The following TMEM244 variants were observed in gnomAD, a reference collection of about 807,000 sequenced individuals.
TMEM244 encodes transmembrane protein 244.
In TMEM244, 13 loss-of-function variants were observed where a neutral mutation model predicts 15.8. The ratio of observed to expected loss-of-function variants is 0.82; its 90% CI spans 0.53 to 1.30. The LOEUF (loss-of-function observed/expected upper bound fraction) is 1.30, where lower values mean the gene tolerates loss of function less well. Ranked by LOEUF, TMEM244 falls within the 50% of genes most tolerant of loss-of-function variation. The probability of loss-of-function intolerance (pLI) is 0.00; values close to 1 mark genes in which losing one functional copy is unlikely to be tolerated. For synonymous variants in TMEM244, 45 were observed against 48.7 expected, an observed-to-expected ratio of 0.92 and a Z score of 0.32; for missense variants, 161 against 144.9, an observed-to-expected ratio of 1.11 and a Z score of -0.57.
At chr6:129,857,668 T>C (rs925614184) in intron 1 of TMEM244, among the ~76,000 whole-genome samples, 1 of 151,998 alleles carries the variant, frequency 6.6e-6, no homozygotes, top group Admixed American at 6.6e-5. Context: ...CCCTAACATA[T>C]GTTTAGATAG....
At chr6:129,842,845 A>G (rs1165042646) in intron 3 of TMEM244, among the ~76,000 whole-genome samples, 1 of 151,506 alleles carries the variant, frequency 6.6e-6, no homozygotes, top group Non-Finnish European at 1.5e-5. Context: ...AGAATGTTTT[A>G]CATATATTCA....
chr6:129,859,917 TAAAAG>T lies in TMEM244; in HGVS notation c.33+1234_33+1238del, dbSNP rs376027703. ...ATAATATTGACAGTGAACAAGCACT[TAAAAG>T]AAAAGTTAACTCATAACTTATAGGG... On this transcript the variant is annotated intron_variant, in intron 1 of 4. Transcript: ENST00000368143. Among the ~76,000 whole-genome samples, 146 of 152,306 alleles carry T rather than the reference TAAAAG, an allele frequency of 9.6e-4. 1 individual carries two copies. The highest frequency in any genetic ancestry group is 3.4e-3 in the Middle Eastern group (1 of 294).
intron 3 of TMEM244, among the ~76,000 whole-genome samples, chr6:129,841,530 T>G (rs767996447): frequency 3.9e-5 from 6 of 152,082 alleles, no homozygotes; most frequent in South Asian, 2.1e-4. Flanking sequence ...TTAACAAACC[T>G]GCACATTGTG....
intron 1 of TMEM244, among the ~76,000 whole-genome samples, chr6:129,857,828 G>A (rs1050262504): frequency 2.7e-5 from 4 of 149,602 alleles, no homozygotes; most frequent in Admixed American, 2.0e-4. Flanking sequence ...ATATATATAT[G>A]TGTATATATA....
chr6:129,845,908 G>T, intron 1 of TMEM244, 56 bp from the exon 2 acceptor site: 1 of 1,185,114 alleles, frequency 8.4e-7, no homozygotes, highest in Non-Finnish European at 1.2e-6. Flanking sequence ...CATGGTCTTT[G>T]GTAACTATTT....
intron 3 of TMEM244, among the ~76,000 whole-genome samples, chr6:129,837,152 A>T (rs1198870750): frequency 6.6e-6 from 1 of 152,192 alleles, no homozygotes; most frequent in Non-Finnish European, 1.5e-5. Flanking sequence ...ATGAGGGAAA[A>T]AATGTTAAGG....
At chr6:129,840,748 CA>C (rs1261636937) in intron 3 of TMEM244, among the ~76,000 whole-genome samples, 1 of 152,120 alleles carries the variant, frequency 6.6e-6, no homozygotes, top group African/African-American at 2.4e-5. Flanking sequence ...GCAACCCCAT[CA>C]AAAAATGGGC....
At chr6:129,848,432 T>A (rs975589048) in intron 1 of TMEM244, among the ~76,000 whole-genome samples, 2 of 152,168 alleles carry the variant, frequency 1.3e-5, no homozygotes, top group Non-Finnish European at 2.9e-5. Flanking sequence ...TGACTGCGCT[T>A]CCGGGGACAG....
intron 1 of TMEM244, among the ~76,000 whole-genome samples, chr6:129,858,216 C>T (rs72993271): frequency 0.024 from 3,594 of 152,154 alleles, 59 homozygotes; most frequent in Non-Finnish European, 0.038. Flanking sequence ...TAGGTGACAA[C>T]ATATTTCTTG....
Position 129,861,220 on chromosome 6 carries a change from G to C in TMEM244, c.-32C>G. On this transcript the variant is annotated 5_prime_UTR_variant, in exon 1 of 5. Coordinates refer to ENST00000368143, the MANE Select transcript of TMEM244 (RefSeq NM_001010876.2). Reference sequence around the variant, plus strand: ...ATCCTACGTCAAGGAGGTGATGAAAGCCCCACTCCTTATAGCGATGACATC... The same window carrying C: ...ATCCTACGTCAAGGAGGTGATGAAACCCCCACTCCTTATAGCGATGACATC... The C allele has an allele frequency of 6.2e-7, 1 of 1,612,750 alleles. No individual in the cohort carries two copies. The highest frequency in any genetic ancestry group is 8.5e-7 in the Non-Finnish European group (1 of 1,179,026).
intron 1 of TMEM244, among the ~76,000 whole-genome samples, chr6:129,860,723 T>G (rs990163999): frequency 7.3e-5 from 11 of 150,170 alleles, no homozygotes; most frequent in African/African-American, 1.2e-4. Flanking sequence ...AAAAAGAAAC[T>G]AACAAACCTA....
At chr6:129,852,988 G>A (rs1027816990) in intron 1 of TMEM244, among the ~76,000 whole-genome samples, 1 of 152,088 alleles carries the variant, frequency 6.6e-6, no homozygotes, top group Non-Finnish European at 1.5e-5. Flanking sequence ...TATTGATGGA[G>A]CTCATTTTGG....
intron 3 of TMEM244, 91 bp downstream of exon 3, chr6:129,843,439 C>T (rs914849331): frequency 1.5e-5 from 12 of 795,520 alleles, no homozygotes; most frequent in Non-Finnish European, 2.4e-5. Context: ...GCGAGACAGG[C>T]CTGATATTTA....
chr6:129,832,792 T>C (rs1776348914), intron 4 of TMEM244, among the ~76,000 whole-genome samples: 1 of 152,210 alleles, frequency 6.6e-6, no homozygotes, highest in Admixed American at 6.5e-5. Context: ...ATCTGTTTTC[T>C]TCTGGCTCCA....
chr6:129,831,491 G>T, intron 4 of TMEM244, 105 bp from the exon 5 acceptor site: 2 of 759,782 alleles, frequency 2.6e-6, no homozygotes, highest in Non-Finnish European at 2.2e-6. Flanking sequence ...ACAAGAGAAG[G>T]TTTATCCATG....
chr6:129,846,202 T>C (rs574208207), intron 1 of TMEM244, among the ~76,000 whole-genome samples: 11 of 152,214 alleles, frequency 7.2e-5, no homozygotes, highest in Non-Finnish European at 1.5e-4. Context: ...TCTATATTAG[T>C]ATGTATTTTC....
chr6:129,850,368 A>G (rs1375264496), intron 1 of TMEM244, among the ~76,000 whole-genome samples: 2 of 152,210 alleles, frequency 1.3e-5, no homozygotes, highest in Non-Finnish European at 2.9e-5. Context: ...GAGAGGGGCC[A>G]TTAGGTCGGG....
At chr6:129,846,040 T>C (rs1468363286) in intron 1 of TMEM244, among the ~76,000 whole-genome samples, 188 bp from the exon 2 acceptor site, 1 of 152,236 alleles carries the variant, frequency 6.6e-6, no homozygotes, top group Non-Finnish European at 1.5e-5. Flanking sequence ...TATAATTTTC[T>C]TAAGAGTCAT....
intron 1 of TMEM244, among the ~76,000 whole-genome samples, chr6:129,854,266 C>T (rs186337451): frequency 1.7e-3 from 257 of 152,214 alleles, no homozygotes; most frequent in South Asian, 8.1e-3. Flanking sequence ...TAATAGAAGG[C>T]TGGCCCTACC....
Sources: gnomAD v4.1 joint callset for allele counts (sites outside exome capture counted in the v4.1 genomes callset) on GRCh38, gnomAD v4.1.1 for gene constraint, MANE v1.5 for transcripts, NCBI Gene and HGNC (gene_info 2026-07-23, HGNC 2026-07-21) for gene names.